The following NR2C2 variants were observed in gnomAD, a reference collection of about 807,000 sequenced individuals.
NR2C2 encodes nuclear receptor subfamily 2 group C member 2.
Under a neutral mutation model 62.9 loss-of-function variants are expected in NR2C2, and 6 were observed. The observed-to-expected ratio is 0.10, with a 90% CI of 0.05 to 0.19. The LOEUF is 0.19. Among genes scored for constraint, NR2C2 ranks in the 10% least tolerant of loss-of-function variants. The probability of loss-of-function intolerance (pLI) is 1.00; values close to 1 mark genes in which losing one functional copy is unlikely to be tolerated. For missense variants in NR2C2, 479 were observed against 762.7 expected, an observed-to-expected ratio of 0.63 and a Z score of 4.38; for synonymous variants, 272 against 273.8, an observed-to-expected ratio of 0.99 and a Z score of 0.07.
intron 13 of NR2C2, among the ~76,000 whole-genome samples, chr3:15,040,890 A>C (rs937021424): frequency 2.6e-5 from 4 of 152,140 alleles, no homozygotes; most frequent in African/African-American, 9.7e-5. Flanking sequence ...CTGCTCCCCC[A>C]CAGTTCCCAT....
At chr3:14,979,276 C>CTA (rs2040294926) in intron 1 of NR2C2, among the ~76,000 whole-genome samples, 1 of 152,134 alleles carries the variant, frequency 6.6e-6, no homozygotes. Context: ...GAAAGTATTA[C>CTA]TATTAGTAAA....
intron 3 of NR2C2, among the ~76,000 whole-genome samples, chr3:15,015,333 C>T (rs1048705938): frequency 6.6e-6 from 1 of 152,176 alleles, no homozygotes; most frequent in African/African-American, 2.4e-5. Context: ...ATAGTATTCT[C>T]CCAGATGAAT....
chr3:15,023,498 G>T (rs894613158), intron 6 of NR2C2, 151 bp downstream of exon 6: 7 of 844,576 alleles, frequency 8.3e-6, no homozygotes, highest in Non-Finnish European at 1.3e-5. Context: ...GAGCTGCTCA[G>T]TCACACCTCT....
At chr3:15,001,501 T>C (rs372742667) in intron 1 of NR2C2, among the ~76,000 whole-genome samples, 24 of 152,006 alleles carry the variant, frequency 1.6e-4, no homozygotes, top group African/African-American at 4.8e-4. Context: ...ACCCGGCTTA[T>C]TTTTGTGTTT....
chr3:14,969,314 C>T (rs1364267919), intron 1 of NR2C2, among the ~76,000 whole-genome samples: 2 of 143,030 alleles, frequency 1.4e-5, no homozygotes, highest in Non-Finnish European at 3.0e-5. Context: ...GGTGTGGTCT[C>T]GGCTCACTGC....
intron 9 of NR2C2, among the ~76,000 whole-genome samples, 157 bp from the exon 10 acceptor site, chr3:15,032,222 G>A (rs2041998080): frequency 6.6e-6 from 1 of 152,096 alleles, no homozygotes; most frequent in African/African-American, 2.4e-5. Flanking sequence ...GAAAACATGG[G>A]GAGTCCGTGC....
chr3:14,955,097 C>T (rs1559525331), intron 1 of NR2C2, among the ~76,000 whole-genome samples: 1 of 152,152 alleles, frequency 6.6e-6, no homozygotes, highest in Non-Finnish European at 1.5e-5. Context: ...TCCTAAAGTG[C>T]TAGGATTACA....
At chr3:15,039,947 A>G (rs1187285905) in intron 13 of NR2C2, among the ~76,000 whole-genome samples, 3 of 151,746 alleles carry the variant, frequency 2.0e-5, no homozygotes, top group African/African-American at 7.3e-5. Flanking sequence ...TCACGAGTTC[A>G]AGACCAGCCT....
At chr3:15,014,500 CATAAT>C (rs1281731971) in intron 3 of NR2C2, among the ~76,000 whole-genome samples, 1 of 151,862 alleles carries the variant, frequency 6.6e-6, no homozygotes, top group Non-Finnish European at 1.5e-5. Flanking sequence ...ATAAAATACA[CATAAT>C]ATAAAACTTA....
chr3:14,956,546 TTTATTTATTTTTTGAG>T (rs1486727711), intron 1 of NR2C2, among the ~76,000 whole-genome samples: 2 of 152,210 alleles, frequency 1.3e-5, no homozygotes, highest in African/African-American at 4.8e-5. Context: ...TTTTTTATTA[TTTATTTATTTTTTGAG>T]ACAAGAGTTT....
At chr3:14,993,464 A>C (rs572756456) in intron 1 of NR2C2, among the ~76,000 whole-genome samples, 1 of 152,156 alleles carries the variant, frequency 6.6e-6, no homozygotes, top group African/African-American at 2.4e-5. Context: ...CAAAAAAAAA[A>C]AAAAGAAATG....
intron 1 of NR2C2, among the ~76,000 whole-genome samples, chr3:14,957,477 G>A (rs78334656): frequency 0.016 from 2,415 of 152,270 alleles, 68 homozygotes; most frequent in African/African-American, 0.054. Flanking sequence ...TTTGTTGTTG[G>A]TGGGGTGATA....
intron 1 of NR2C2, among the ~76,000 whole-genome samples, chr3:14,951,600 A>G (rs1182029277): frequency 2.0e-5 from 3 of 152,248 alleles, no homozygotes; most frequent in South Asian, 2.1e-4. Flanking sequence ...TAAAACAGCT[A>G]TATGTTGTCT....
intron 1 of NR2C2, among the ~76,000 whole-genome samples, chr3:14,990,057 T>G (rs2040626150): frequency 6.6e-6 from 1 of 151,926 alleles, no homozygotes; most frequent in Non-Finnish European, 1.5e-5. Context: ...GAGCCATGAT[T>G]GCACCACTGG....
Position 14,994,896 on chromosome 3 carries a change from C to G in NR2C2, c.-39-8980C>G, listed in dbSNP as rs559063972. On this transcript the variant is annotated intron_variant, in intron 1 of 13. Coordinates refer to ENST00000425241, the MANE Select transcript of NR2C2 (RefSeq NM_001291694.2). The stretch of plus-strand genomic sequence containing the variant: ...TGCCACTGCACTTCAGCCTGGGTGA[C>G]AGAACAAGACCCTGTCTCTAAAAAA... Among the ~76,000 whole-genome samples the G allele has an allele frequency of 6.9e-4, 103 of 148,602 alleles. 1 individual carries two copies. Among genetic ancestry groups the G allele is most frequent in the Non-Finnish European group, 1.3e-3 (85 of 67,394 alleles).
At chr3:15,038,919 G>C (rs571348819) in intron 12 of NR2C2, 2 of 567,642 alleles carry the variant, frequency 3.5e-6, no homozygotes, top group South Asian at 4.7e-5. Flanking sequence ...CAGGGTCCCC[G>C]ACCCGCTCCC....
intron 1 of NR2C2, among the ~76,000 whole-genome samples, chr3:14,982,969 T>G (rs184573128): frequency 1.5e-4 from 23 of 152,348 alleles, no homozygotes; most frequent in African/African-American, 5.3e-4. Context: ...TTTTTTTAAT[T>G]TTTAATTTTG....
Position 15,047,087 on chromosome 3 carries a change from A to C in NR2C2, c.*4079A>C, listed in dbSNP as rs2042483327. ...GTGTTTATATCCTCTCCATATGTAC[A>C]GTGTATATAGTGTGTGTATGTGTAC... On this transcript the variant is annotated 3_prime_UTR_variant, in exon 14 of 14. Coordinates refer to ENST00000425241, the MANE Select transcript of NR2C2 (RefSeq NM_001291694.2). 6.6e-6 allele frequency: 1 copy of C among 152,654 alleles called. No homozygotes were observed. Among genetic ancestry groups the C allele is most frequent in the Non-Finnish European group, 1.5e-5 (1 of 68,052 alleles). 9.5% of individuals were successfully genotyped at this position (152,654 alleles called of 1,614,324 possible). A position where few individuals can be genotyped will look rare whatever the true frequency, so the allele number is the denominator to read the frequency against.
intron 9 of NR2C2, among the ~76,000 whole-genome samples, chr3:15,031,356 C>G (rs539701469): frequency 1.4e-5 from 2 of 142,676 alleles, no homozygotes; most frequent in African/African-American, 5.7e-5. Flanking sequence ...GCTGAGTCCT[C>G]CTTTTCCCCC....
Sources: gnomAD v4.1 joint callset for allele counts (sites outside exome capture counted in the v4.1 genomes callset) on GRCh38, gnomAD v4.1.1 for gene constraint, MANE v1.5 for transcripts, NCBI Gene and HGNC (gene_info 2026-07-23, HGNC 2026-07-21) for gene names.